NT5C2: variants seen among roughly 807,000 people sequenced by gnomAD.
NT5C2 encodes the protein 5'-nucleotidase, cytosolic II.
A neutral mutation model predicts 76.1 loss-of-function variants in NT5C2; 58 were observed. The ratio of observed to expected loss-of-function variants is 0.76; its 90% CI spans 0.62 to 0.95. The LOEUF (loss-of-function observed/expected upper bound fraction) is 0.95. Among genes scored for constraint, NT5C2 ranks in the 40% least tolerant of loss-of-function variants. NT5C2 has a pLI of 0.00. For missense variants in NT5C2, 478 were observed against 690.3 expected, an observed-to-expected ratio of 0.69 and a Z score of 3.45; for synonymous variants, 229 against 237.4, an observed-to-expected ratio of 0.96 and a Z score of 0.32.
intron 1 of NT5C2, among the ~76,000 whole-genome samples, chr10:103,192,686 T>C (rs1039887741): frequency 2.0e-5 from 3 of 152,132 alleles, no homozygotes; most frequent in Non-Finnish European, 2.9e-5. Context: ...GCTAAAACGC[T>C]GTCAACCTGG....
At chr10:103,169,267 A>G (rs1034800067) in intron 3 of NT5C2, 3 of 152,202 alleles carry the variant, frequency 2.0e-5, no homozygotes, top group African/African-American at 7.2e-5. Context: ...AGACATATAC[A>G]TATACACACA....
At chr10:103,090,052 T>C (rs1449877736) in intron 18 of NT5C2, 144 bp from the exon 19 acceptor site, 2 of 557,586 alleles carry the variant, frequency 3.6e-6, no homozygotes, top group African/African-American at 1.9e-5. Context: ...CTTATCTTCA[T>C]AGAACTACTT....
chr10:103,099,537 A>G (rs1284563640), intron 9 of NT5C2, among the ~76,000 whole-genome samples: 1 of 152,202 alleles, frequency 6.6e-6, no homozygotes, highest in African/African-American at 2.4e-5. Flanking sequence ...GGCATTTCAT[A>G]TTTTATTCAA....
chr10:103,161,184 A>AT (rs1422276595), intron 3 of NT5C2, among the ~76,000 whole-genome samples: 2 of 151,960 alleles, frequency 1.3e-5, no homozygotes, highest in Admixed American at 6.6e-5. Context: ...CATACAATAT[A>AT]TTTTTTTTCT....
chr10:103,158,812 T>C (rs1235541634), intron 3 of NT5C2, among the ~76,000 whole-genome samples: 3 of 134,218 alleles, frequency 2.2e-5, no homozygotes, highest in Non-Finnish European at 4.8e-5. Flanking sequence ...AGCGAGACTC[T>C]TATCTAAAAA....
intron 4 of NT5C2, among the ~76,000 whole-genome samples, chr10:103,107,878 G>C (rs2071760957): frequency 6.6e-6 from 1 of 152,030 alleles, no homozygotes; most frequent in South Asian, 2.1e-4. Context: ...GTTGCGGCCA[G>C]GTGCGGTGGC....
intron 3 of NT5C2, among the ~76,000 whole-genome samples, chr10:103,149,574 A>G (rs1339305804): frequency 6.6e-6 from 1 of 152,182 alleles, no homozygotes; most frequent in Non-Finnish European, 1.5e-5. Context: ...AGGCTTTTCC[A>G]ATCCCTTTTT....
At chr10:103,180,631 T>C (rs967425595) in intron 2 of NT5C2, among the ~76,000 whole-genome samples, 2 of 152,018 alleles carry the variant, frequency 1.3e-5, no homozygotes, top group African/African-American at 4.8e-5. Context: ...CTTGGGAGGA[T>C]CACACGAGCC....
At chr10:103,148,796 C>T (rs1354415469) in intron 3 of NT5C2, among the ~76,000 whole-genome samples, 1 of 152,030 alleles carries the variant, frequency 6.6e-6, no homozygotes, top group Non-Finnish European at 1.5e-5. Flanking sequence ...TGGAGACATA[C>T]ATGGAACAAA....
chr10:103,160,328 G>A (rs569042516), intron 3 of NT5C2, among the ~76,000 whole-genome samples: 68 of 152,140 alleles, frequency 4.5e-4, no homozygotes, highest in Non-Finnish European at 7.6e-4. Flanking sequence ...TGTGACTTTG[G>A]AATAAGCAAT....
At chr10:103,183,279 A>ATTATATATATATTT (rs1270017824) in intron 1 of NT5C2, among the ~76,000 whole-genome samples, 1 of 133,588 alleles carries the variant, frequency 7.5e-6, no homozygotes, top group Admixed American at 7.6e-5. Flanking sequence ...ATATATATAT[A>ATTATATATATATTT]TATATATATA....
At chr10:103,099,205 C>T (rs906108177) in intron 9 of NT5C2, among the ~76,000 whole-genome samples, 1 of 152,184 alleles carries the variant, frequency 6.6e-6, no homozygotes, top group Non-Finnish European at 1.5e-5. Context: ...TCCCAAGTAG[C>T]TAGGACCACA....
intron 3 of NT5C2, among the ~76,000 whole-genome samples, chr10:103,156,127 C>T (rs2083314808): frequency 6.6e-6 from 1 of 152,026 alleles, no homozygotes; most frequent in Non-Finnish European, 1.5e-5. Flanking sequence ...TGCCATTACA[C>T]TCCAGCCTGA....
intron 5 of NT5C2, among the ~76,000 whole-genome samples, chr10:103,106,089 T>A (rs766931084): frequency 2.6e-5 from 4 of 152,222 alleles, no homozygotes; most frequent in Non-Finnish European, 4.4e-5. Context: ...CTGGTACCAT[T>A]CTAAAACATA....
At chr10:103,187,149 C>G (rs1591921858) in intron 1 of NT5C2, among the ~76,000 whole-genome samples, 1 of 151,744 alleles carries the variant, frequency 6.6e-6, no homozygotes, top group African/African-American at 2.4e-5. Context: ...ACTAGGGAGG[C>G]TGAGGCAGGA....
At chr10:103,188,227 G>A (rs1049410038) in intron 1 of NT5C2, among the ~76,000 whole-genome samples, 1 of 151,978 alleles carries the variant, frequency 6.6e-6, no homozygotes, top group African/African-American at 2.4e-5. Context: ...GCATGGTGGC[G>A]GGCGCCTGTA....
chr10:103,150,746 T>A (rs2082257475), intron 3 of NT5C2, among the ~76,000 whole-genome samples: 2 of 152,202 alleles, frequency 1.3e-5, no homozygotes, highest in South Asian at 4.1e-4. Context: ...AATAACATCT[T>A]TTCAAATCCA....
chr10:103,108,162 AAAAAG>A lies in NT5C2; in HGVS notation c.176-1461_176-1457del, dbSNP rs1263341625. On this transcript the variant is annotated intron_variant, in intron 4 of 18. Transcript: ENST00000404739. ...AGAGTGAGACTGTCTCAAAAAGAAA[AAAAAG>A]AAAAGAAAAGAAAATGTTGCTCCTT... is the stretch of plus-strand genomic sequence containing the variant. Among the ~76,000 whole-genome samples the A allele has an allele frequency of 8.5e-5, 13 of 152,322 alleles. No individual in the cohort carries two copies. The East Asian group carries it at 9.6e-4, about 11-fold the overall frequency.
intron 18 of NT5C2, 159 bp from the exon 19 acceptor site, chr10:103,090,067 TTGC>T: frequency 1.9e-6 from 1 of 524,604 alleles, no homozygotes; most frequent in Non-Finnish European, 3.2e-6. Context: ...CTACTTATAG[TTGC>T]CTGTCTTCCT....
Sources: gnomAD v4.1 joint callset for allele counts (sites outside exome capture counted in the v4.1 genomes callset) on GRCh38, gnomAD v4.1.1 for gene constraint, MANE v1.5 for transcripts, NCBI Gene and HGNC (gene_info 2026-07-23, HGNC 2026-07-21) for gene names.